The following HPSE2 variants were observed in gnomAD, a reference collection of about 807,000 sequenced individuals.
The protein encoded by HPSE2 is heparanase 2 (inactive).
HPSE2 carries 38 observed loss-of-function variants against 60.5 expected under a neutral mutation model. That is an observed-to-expected ratio of 0.63 (90% CI 0.48 to 0.82). The LOEUF (loss-of-function observed/expected upper bound fraction) is 0.82. HPSE2 is among the 40% of genes least tolerant of loss of function. The pLI is 0.00. For missense variants in HPSE2, 713 were observed against 740.4 expected (o/e 0.96, Z 0.43); for synonymous variants, 295 against 293.2 (o/e 1.01, Z -0.06).
intron 3 of HPSE2, among the ~76,000 whole-genome samples, chr10:99,040,910 C>A (rs1343472050): frequency 6.6e-6 from 1 of 151,968 alleles, no homozygotes. Flanking sequence ...CACAGTGAAA[C>A]CCTGTCTCTA....
chr10:99,211,791 T>C (rs558131081), intron 2 of HPSE2, among the ~76,000 whole-genome samples: 2 of 152,144 alleles, frequency 1.3e-5, no homozygotes, highest in Admixed American at 6.6e-5. Flanking sequence ...CTCCATTACA[T>C]TGGCCTGGGC....
chr10:99,184,064 T>G (rs1262827753), intron 2 of HPSE2, among the ~76,000 whole-genome samples: 2 of 151,812 alleles, frequency 1.3e-5, no homozygotes, highest in African/African-American at 4.8e-5. Context: ...TAAAGGAATA[T>G]CAAATCAACT....
chr10:98,977,690 T>C (rs190189689), intron 3 of HPSE2, among the ~76,000 whole-genome samples: 172 of 152,272 alleles, frequency 1.1e-3, no homozygotes, highest in African/African-American at 4.0e-3. Flanking sequence ...GTGTCTTCCA[T>C]TATATTCTTT....
intron 3 of HPSE2, among the ~76,000 whole-genome samples, chr10:98,863,517 C>CT (rs748893949): frequency 6.6e-6 from 1 of 152,174 alleles, no homozygotes; most frequent in Non-Finnish European, 1.5e-5. Flanking sequence ...CCTACCCACC[C>CT]TGTCCAATGC....
chr10:98,459,769 A>G lies in HPSE2; in HGVS notation c.1614-30T>C, dbSNP rs763555688. 4.4e-6 allele frequency: 7 copies of G among 1,592,514 alleles called. No homozygotes were observed. The South Asian group carries it at 7.9e-5, about 18-fold the overall frequency. On this transcript the variant is annotated intron_variant, in intron 11 of 11. Transcript: ENST00000370552. ...AGTGAGGAAAAACAGTATGGGACTCATTATTGCATTATAAGGGAGCCACTG... is the reference window on the plus strand; with the variant it reads ...AGTGAGGAAAAACAGTATGGGACTCGTTATTGCATTATAAGGGAGCCACTG...
At chr10:98,825,424 G>A (rs1225803347) in intron 3 of HPSE2, among the ~76,000 whole-genome samples, 1 of 152,176 alleles carries the variant, frequency 6.6e-6, no homozygotes, top group Non-Finnish European at 1.5e-5. Flanking sequence ...CCTCGAGCAA[G>A]GCTAGCTCTT....
chr10:98,704,420 A>T (rs60745225), intron 5 of HPSE2, among the ~76,000 whole-genome samples: 28,253 of 66,562 alleles, frequency 0.42, 3,042 homozygotes, highest in East Asian at 0.59. Context: ...TAAATTTCAT[A>T]TGGAACAAAA....
At chr10:99,170,930 C>T (rs1458031049) in intron 2 of HPSE2, among the ~76,000 whole-genome samples, 1 of 152,178 alleles carries the variant, frequency 6.6e-6, no homozygotes, top group African/African-American at 2.4e-5. Context: ...CAAATATTTA[C>T]ATAGTATTTA....
At chr10:98,477,920 T>G (rs1283514971) in intron 11 of HPSE2, among the ~76,000 whole-genome samples, 1 of 151,604 alleles carries the variant, frequency 6.6e-6, no homozygotes, top group African/African-American at 2.4e-5. Flanking sequence ...ATGCAAGGGA[T>G]CTAGGTTGCA....
At chr10:99,238,644 G>T (rs1338015853), upstream of HPSE2, among the ~76,000 whole-genome samples, 3 of 152,152 alleles carry the variant, frequency 2.0e-5, no homozygotes, top group African/African-American at 7.2e-5. Flanking sequence ...TTTGGGTTTA[G>T]ATCTCCAGAG....
intron 3 of HPSE2, among the ~76,000 whole-genome samples, chr10:98,838,904 G>A (rs1951851502): frequency 6.6e-6 from 1 of 152,144 alleles, no homozygotes; most frequent in African/African-American, 2.4e-5. Flanking sequence ...AGGCTCATCT[G>A]TAGATCCTGT....
At chr10:98,839,449 G>A (rs1219968449) in intron 3 of HPSE2, among the ~76,000 whole-genome samples, 3 of 152,086 alleles carry the variant, frequency 2.0e-5, no homozygotes, top group African/African-American at 7.2e-5. Flanking sequence ...CATTCACTAA[G>A]TACAAGAGAA....
At chr10:98,810,691 C>T (rs2801402) in intron 3 of HPSE2, among the ~76,000 whole-genome samples, 129,414 of 151,910 alleles carry the variant, frequency 0.85, 55,497 homozygotes, top group African/African-American at 0.95. Flanking sequence ...CTGGGCCACA[C>T]TGGAAGAAGA....
intron 3 of HPSE2, chr10:99,013,975 C>T (rs1957075524): frequency 4.3e-5 from 16 of 373,380 alleles, no homozygotes; most frequent in South Asian, 3.4e-4. Context: ...GACCCTGCCT[C>T]CAGACACCCA....
At chr10:98,812,927 T>A (rs571627868) in intron 3 of HPSE2, among the ~76,000 whole-genome samples, 1 of 152,158 alleles carries the variant, frequency 6.6e-6, no homozygotes, top group Non-Finnish European at 1.5e-5. Flanking sequence ...TGTAGGTGAT[T>A]CACATTTTCA....
intron 7 of HPSE2, among the ~76,000 whole-genome samples, chr10:98,622,166 A>G (rs764761999): frequency 3.3e-5 from 5 of 152,222 alleles, no homozygotes; most frequent in Non-Finnish European, 7.3e-5. Flanking sequence ...AATAAAGTCA[A>G]TGTAAATCCA....
chr10:98,880,555 C>G (rs1952994882), intron 3 of HPSE2, among the ~76,000 whole-genome samples: 1 of 152,036 alleles, frequency 6.6e-6, no homozygotes, highest in Non-Finnish European at 1.5e-5. Context: ...ATATGTGTAA[C>G]TCAGATGTCC....
Position 98,737,501 on chromosome 10 carries a change from C to A in HPSE2, c.784+6382G>T, listed in dbSNP as rs573016867. The stretch of plus-strand genomic sequence containing the variant: ...CACAGCATAGTCCCTCATGGCTTCT[C>A]TTGGCTAGGGGAGGGAGTTCTCTGA... On this transcript the variant is annotated intron_variant, in intron 4 of 11. Coordinates refer to ENST00000370552, the MANE Select transcript of HPSE2 (RefSeq NM_021828.5). 8.2e-4 allele frequency among the ~76,000 whole-genome samples: 76 copies of A among 93,196 alleles called. 15 individuals carry two copies. Among genetic ancestry groups the A allele is most frequent in the African/African-American group, 2.6e-3 (74 of 28,132 alleles). 61.1% of individuals were successfully genotyped at this position (93,196 alleles called of 152,430 possible). A position where few individuals can be genotyped will look rare whatever the true frequency, so the allele number is the denominator to read the frequency against.
intron 3 of HPSE2, among the ~76,000 whole-genome samples, chr10:98,744,846 A>C (rs7094763): frequency 0.69 from 105,388 of 151,996 alleles, 37,645 homozygotes; most frequent in Non-Finnish European, 0.8. Context: ...GATTTCCAAA[A>C]ATTTTCACTG....
Sources: allele counts gnomAD v4.1 joint callset (sites outside exome capture counted in the v4.1 genomes callset), GRCh38; gene constraint gnomAD v4.1.1; transcripts MANE v1.5; gene names NCBI Gene and HGNC (gene_info 2026-07-23, HGNC 2026-07-21).